Variants in LRBA observed in about 807,000 individuals in gnomAD.
LRBA encodes LPS responsive beige-like anchor protein.
In LRBA, 176 loss-of-function variants were observed where a neutral mutation model predicts 330.0. The observed-to-expected ratio is 0.53, with a 90% CI of 0.47 to 0.60. The LOEUF (loss-of-function observed/expected upper bound fraction) is 0.60, where lower values mean the gene tolerates loss of function less well. LRBA is among the 20% of genes least tolerant of loss of function. LRBA has a pLI of 0.00. For missense variants in LRBA, 3,259 were observed against 3,444.8 expected (o/e 0.95, Z 1.35); for synonymous variants, 1,230 against 1,193.0 (o/e 1.03, Z -0.64).
chr4:150,954,092 C>T (rs1737234079), intron 2 of LRBA, among the ~76,000 whole-genome samples: 1 of 150,476 alleles, frequency 6.6e-6, no homozygotes, highest in Non-Finnish European at 1.5e-5. Context: ...CCAGCAGCCG[C>T]CCCGTCTGGG....
intron 36 of LRBA, among the ~76,000 whole-genome samples, chr4:150,687,901 C>T (rs1277835179): frequency 1.3e-5 from 2 of 152,144 alleles, no homozygotes; most frequent in African/African-American, 4.8e-5. Flanking sequence ...AGATTCAACA[C>T]TATCCCCACC....
intron 47 of LRBA, among the ~76,000 whole-genome samples, chr4:150,390,883 T>C (rs1210934409): frequency 6.6e-6 from 1 of 152,202 alleles, no homozygotes; most frequent in African/African-American, 2.4e-5. Flanking sequence ...TCCTGATGTA[T>C]TGTATAATAT....
chr4:150,311,129 A>G (rs1731005879), intron 51 of LRBA: 1 of 152,192 alleles, frequency 6.6e-6, no homozygotes, highest in African/African-American at 2.4e-5. Flanking sequence ...CACCGAGCAC[A>G]TGGGAAGAGT....
intron 37 of LRBA, among the ~76,000 whole-genome samples, chr4:150,609,626 G>T (rs551699429): frequency 3.9e-5 from 6 of 152,314 alleles, no homozygotes; most frequent in African/African-American, 1.4e-4. Flanking sequence ...TACTGGTGAT[G>T]CTGTGAGCAA....
intron 36 of LRBA, among the ~76,000 whole-genome samples, chr4:150,728,192 G>C (rs1204210224): frequency 6.6e-5 from 10 of 152,056 alleles, no homozygotes; most frequent in Admixed American, 6.6e-4. Context: ...CCAATAACAA[G>C]TGACAAGAGT....
At chr4:150,681,509 T>C (rs1783056030) in intron 37 of LRBA, among the ~76,000 whole-genome samples, 2 of 152,192 alleles carry the variant, frequency 1.3e-5, no homozygotes, top group African/African-American at 4.8e-5. Context: ...GTATTCTAAA[T>C]AAGTAACAGT....
chr4:150,451,168 C>T (rs993616178), intron 44 of LRBA, among the ~76,000 whole-genome samples: 2 of 152,154 alleles, frequency 1.3e-5, no homozygotes, highest in African/African-American at 2.4e-5. Flanking sequence ...GAAATCAGTA[C>T]GGATACAGAA....
intron 35 of LRBA, among the ~76,000 whole-genome samples, chr4:150,743,985 T>C (rs1168373780): frequency 1.3e-5 from 2 of 152,224 alleles, no homozygotes; most frequent in Non-Finnish European, 2.9e-5. Flanking sequence ...CTCTCTCTTC[T>C]ATCCCCAAAC....
chr4:150,742,731 A>G (rs1172337933), intron 35 of LRBA, among the ~76,000 whole-genome samples: 1 of 152,038 alleles, frequency 6.6e-6, no homozygotes, highest in South Asian at 2.1e-4. Context: ...CTACAAAAAA[A>G]CACCAAAAAC....
intron 44 of LRBA, among the ~76,000 whole-genome samples, chr4:150,443,847 T>TAAAAAA (rs376721928): frequency 0.021 from 1,129 of 53,720 alleles, 50 homozygotes; most frequent in Middle Eastern, 0.057. Flanking sequence ...AAAGTATAAT[T>TAAAAAA]AAAAAAATAT....
intron 47 of LRBA, among the ~76,000 whole-genome samples, chr4:150,368,955 A>G (rs1197381969): frequency 6.6e-6 from 1 of 152,186 alleles, no homozygotes; most frequent in Admixed American, 6.5e-5. Context: ...CTGATGGTGT[A>G]TGGACTGTGG....
chr4:150,975,815 G>A (rs1464208678), intron 2 of LRBA, among the ~76,000 whole-genome samples: 1 of 151,898 alleles, frequency 6.6e-6, no homozygotes, highest in Non-Finnish European at 1.5e-5. Flanking sequence ...TAATCTAATG[G>A]AAATATGGGA....
chr4:150,412,127 A>G (rs1202466495), intron 47 of LRBA, among the ~76,000 whole-genome samples: 1 of 152,170 alleles, frequency 6.6e-6, no homozygotes, highest in Non-Finnish European at 1.5e-5. Context: ...ATCTTTCCTA[A>G]TTATGAATTA....
At chr4:150,436,643 T>C (rs1308572569) in intron 45 of LRBA, 81 bp downstream of exon 45, 2 of 1,163,046 alleles carry the variant, frequency 1.7e-6, no homozygotes, top group Non-Finnish European at 2.4e-6. Context: ...CAAAAAAATA[T>C]GCTTATGAGT....
chr4:150,809,867 TACG>T (rs1743386744), intron 31 of LRBA, among the ~76,000 whole-genome samples: 16 of 88,682 alleles, frequency 1.8e-4, no homozygotes, highest in African/African-American at 6.1e-4. Context: ...TACGATACGA[TACG>T]ATACGATACG....
intron 40 of LRBA, among the ~76,000 whole-genome samples, chr4:150,539,076 A>G (rs902933845): frequency 3.3e-5 from 5 of 152,040 alleles, no homozygotes; most frequent in African/African-American, 1.2e-4. Context: ...CCTGGGTTCA[A>G]GCAATTCTCC....
chr4:150,698,469 A>G (rs1037142313), intron 36 of LRBA, among the ~76,000 whole-genome samples: 3 of 152,314 alleles, frequency 2.0e-5, no homozygotes, highest in African/African-American at 7.2e-5. Flanking sequence ...GAAGATAATG[A>G]AAAAACACTC....
chr4:150,419,989 C>T (rs889426707), intron 46 of LRBA, among the ~76,000 whole-genome samples: 2 of 150,416 alleles, frequency 1.3e-5, no homozygotes, highest in Non-Finnish European at 3.0e-5. Flanking sequence ...GTAATCCCAG[C>T]ACTTTGGGAG....
intron 34 of LRBA, among the ~76,000 whole-genome samples, chr4:150,771,166 A>T (rs1736511056): frequency 6.6e-6 from 1 of 152,186 alleles, no homozygotes. Flanking sequence ...AGGAACAGGA[A>T]GCAAAACTTT....
Sources: allele counts gnomAD v4.1 joint callset (sites outside exome capture counted in the v4.1 genomes callset), GRCh38; gene constraint gnomAD v4.1.1; transcripts MANE v1.5; gene names NCBI Gene and HGNC (gene_info 2026-07-23, HGNC 2026-07-21).